The following NAALADL2 variants were observed in gnomAD, a reference collection of about 807,000 sequenced individuals.
The protein encoded by NAALADL2 is inactive N-acetylated-alpha-linked acidic dipeptidase-like protein 2.
In NAALADL2, 76 loss-of-function variants were observed where a neutral mutation model predicts 87.2. The observed-to-expected ratio is 0.87, with a 90% CI of 0.72 to 1.05. The LOEUF is 1.05. NAALADL2 is among the 50% of genes least tolerant of loss of function. NAALADL2 has a pLI of 0.00. For missense variants in NAALADL2, 1,089 were observed against 945.8 expected (o/e 1.15, Z -1.99); for synonymous variants, 354 against 331.0 (o/e 1.07, Z -0.75).
intron 9 of NAALADL2, among the ~76,000 whole-genome samples, chr3:175,473,385 A>G (rs1198041363): frequency 1.1e-5 from 1 of 92,364 alleles, no homozygotes; most frequent in Non-Finnish European, 2.6e-5. Context: ...TGGAATGTGT[A>G]TAGAAAATAT....
chr3:174,650,897 A>G (rs972525443), intron 2 of NAALADL2, among the ~76,000 whole-genome samples: 9 of 152,172 alleles, frequency 5.9e-5, no homozygotes, highest in Non-Finnish European at 1.2e-4. Flanking sequence ...AAGTAAATCT[A>G]TATGAAAATA....
At chr3:175,413,122 C>G (rs914450331) in intron 5 of NAALADL2, among the ~76,000 whole-genome samples, 4 of 143,340 alleles carry the variant, frequency 2.8e-5, no homozygotes, top group Non-Finnish European at 4.6e-5. Context: ...ATCTCCTGAC[C>G]TCGTGATCTG....
intron 3 of NAALADL2, among the ~76,000 whole-genome samples, chr3:174,838,726 A>G (rs1458387875): frequency 6.6e-6 from 1 of 152,178 alleles, no homozygotes; most frequent in African/African-American, 2.4e-5. Flanking sequence ...TCAAATCAAG[A>G]ACTCAACACA....
At chr3:175,391,575 C>A (rs983244589) in intron 5 of NAALADL2, among the ~76,000 whole-genome samples, 3 of 152,110 alleles carry the variant, frequency 2.0e-5, no homozygotes, top group African/African-American at 7.2e-5. Flanking sequence ...GACAGCAAAC[C>A]ATGAGTGAGC....
chr3:174,838,659 A>G (rs1289096584), intron 3 of NAALADL2, among the ~76,000 whole-genome samples: 1 of 152,206 alleles, frequency 6.6e-6, no homozygotes, highest in Non-Finnish European at 1.5e-5. Context: ...TCAGATACAA[A>G]ATTAATGTTC....
chr3:174,992,754 A>G (rs1746909400), intron 1 of NAALADL2, among the ~76,000 whole-genome samples: 1 of 152,154 alleles, frequency 6.6e-6, no homozygotes, highest in African/African-American at 2.4e-5. Context: ...AATAAAATGT[A>G]CCGATTGAAT....
At chr3:175,355,108 GC>G (rs1764219072) in intron 5 of NAALADL2, among the ~76,000 whole-genome samples, 1 of 148,156 alleles carries the variant, frequency 6.7e-6, no homozygotes, top group Non-Finnish European at 1.5e-5. Flanking sequence ...TTGCCCTGTC[GC>G]CCAGGCTGGA....
chr3:175,718,086 GA>G (rs1741606953), intron 11 of NAALADL2: 1 of 664,564 alleles, frequency 1.5e-6, no homozygotes, highest in South Asian at 2.8e-5. Flanking sequence ...CTTTGAATGG[GA>G]GCTTCCTTTC....
At chr3:175,661,847 C>A (rs1732302024) in intron 11 of NAALADL2, among the ~76,000 whole-genome samples, 1 of 151,904 alleles carries the variant, frequency 6.6e-6, no homozygotes, top group African/African-American at 2.4e-5. Context: ...TTCCATTGGT[C>A]TGTGGGTCCG....
At chr3:174,771,369 G>A (rs1183230700) in intron 3 of NAALADL2, among the ~76,000 whole-genome samples, 1 of 152,156 alleles carries the variant, frequency 6.6e-6, no homozygotes, top group East Asian at 1.9e-4. Flanking sequence ...AAAATAACTA[G>A]CTTCTATTGA....
intron 2 of NAALADL2, among the ~76,000 whole-genome samples, chr3:174,726,178 C>T (rs983415330): frequency 6.6e-6 from 1 of 152,016 alleles, no homozygotes; most frequent in African/African-American, 2.4e-5. Flanking sequence ...AAGGAAAAGG[C>T]GGGCCTCTGT....
intron 2 of NAALADL2, among the ~76,000 whole-genome samples, chr3:174,594,743 T>G (rs779151703): frequency 3.3e-5 from 5 of 152,100 alleles, no homozygotes; most frequent in African/African-American, 7.2e-5. Context: ...TGGCCTAGAG[T>G]GGGGCATAGA....
chr3:175,162,038 T>A (rs998931544), intron 2 of NAALADL2, among the ~76,000 whole-genome samples: 1 of 152,208 alleles, frequency 6.6e-6, no homozygotes, highest in African/African-American at 2.4e-5. Context: ...CACCTTGTAA[T>A]CTTCTAAGCT....
Position 174,926,681 on chromosome 3 carries a change from G to T in NAALADL2, c.43+67231G>T, listed in dbSNP as rs191597829. 2.3e-3 allele frequency among the ~76,000 whole-genome samples: 344 copies of T among 152,232 alleles called. 2 individuals are homozygous for T. The highest frequency in any genetic ancestry group is 7.7e-3 in the African/African-American group (321 of 41,540). On this transcript the variant is annotated intron_variant, in intron 1 of 13. Coordinates refer to ENST00000454872, the MANE Select transcript of NAALADL2 (RefSeq NM_207015.3). ...GAGAGATTTTGTCACCACCAGGCCTGCCCTAAAAGAGCTCCTGAAAGAAGT... is the reference window on the plus strand; with the variant it reads ...GAGAGATTTTGTCACCACCAGGCCTTCCCTAAAAGAGCTCCTGAAAGAAGT...
At chr3:174,782,454 TACA>T (rs140765915) in intron 3 of NAALADL2, among the ~76,000 whole-genome samples, 14,980 of 152,034 alleles carry the variant, frequency 0.099, 798 homozygotes, top group Middle Eastern at 0.17. Context: ...ACACAAATGA[TACA>T]ACAAGATGAA....
Position 175,467,006 on chromosome 3 carries a change from A to C in NAALADL2, c.1355A>C (p.His452Pro). 6.2e-7 allele frequency: 1 copy of C among 1,613,774 alleles called. No homozygotes were observed. Among genetic ancestry groups the C allele is most frequent in the Non-Finnish European group, 8.5e-7 (1 of 1,179,690 alleles). ...PDRYIIVGSH[H>P]HTAHSYNGQE... ...CGGTATATCATAGTTGGCAGCCATC[A>C]TCACACTGCACACAGTTATAATGGA... The change falls in exon 8 of 14, where the codon CAT becomes CCT. Residue 452 changes from histidine to proline, a missense_variant. His to Pro is a moderately conservative substitution (Grantham distance 77). Transcript: ENST00000454872.
At chr3:175,266,056 C>G (rs1248236997) in intron 4 of NAALADL2, among the ~76,000 whole-genome samples, 1 of 150,382 alleles carries the variant, frequency 6.6e-6, no homozygotes, top group Non-Finnish European at 1.5e-5. Flanking sequence ...CTTTATATTG[C>G]AGGTAAAAAA....
intron 2 of NAALADL2, among the ~76,000 whole-genome samples, chr3:174,724,295 A>C (rs1731982501): frequency 6.6e-6 from 1 of 152,320 alleles, no homozygotes; most frequent in East Asian, 1.9e-4. Context: ...ATAGATGAGC[A>C]TATATCTAAA....
chr3:174,910,998 T>C (rs1733619613), intron 1 of NAALADL2, among the ~76,000 whole-genome samples: 1 of 152,060 alleles, frequency 6.6e-6, no homozygotes, highest in South Asian at 2.1e-4. Context: ...TATCTCACGG[T>C]TCTCAGGGGC....
Sources: gnomAD v4.1 joint callset for allele counts (sites outside exome capture counted in the v4.1 genomes callset) on GRCh38, gnomAD v4.1.1 for gene constraint, MANE v1.5 for transcripts, NCBI Gene and HGNC (gene_info 2026-07-23, HGNC 2026-07-21) for gene names.